Variants in ASIC2 observed in about 807,000 individuals in gnomAD.
The protein encoded by ASIC2 is acid sensing ion channel subunit 2.
A neutral mutation model predicts 57.3 loss-of-function variants in ASIC2; 25 were observed. The ratio of observed to expected loss-of-function variants is 0.44; its 90% confidence interval spans 0.32 to 0.61. ASIC2 has a LOEUF of 0.61. Ranked by LOEUF, ASIC2 falls within the 20% of genes least tolerant of loss-of-function variation. The pLI is 0.06. For missense variants in ASIC2, 641 were observed against 738.1 expected, an observed-to-expected ratio of 0.87 and a Z score of 1.52; for synonymous variants, 319 against 307.5, an observed-to-expected ratio of 1.04 and a Z score of -0.39.
Position 33,231,491 on chromosome 17 carries a change from C to T in ASIC2, c.708+59917G>A, listed in dbSNP as rs191475781. On this transcript the variant is annotated intron_variant, in intron 1 of 9. Coordinates refer to ENST00000225823, the MANE Select transcript of ASIC2 (RefSeq NM_183377.2). ...TCTGGGTCCTAGGGTGTCTGGTTGC[C>T]CCTAGCTTGTGACGGCTTTCTCTCC... Among the ~76,000 whole-genome samples, 4 of 152,212 alleles carry T rather than the reference C, an allele frequency of 2.6e-5. No individual in the cohort carries two copies. The East Asian group carries it at 7.7e-4, about 29-fold the overall frequency.
chr17:33,521,501 G>A (rs913868313), intron 1 of ASIC2, among the ~76,000 whole-genome samples: 4 of 152,164 alleles, frequency 2.6e-5, no homozygotes, highest in Admixed American at 2.6e-4. Flanking sequence ...GACAGAAGTA[G>A]CCACATGACC....
intron 3 of ASIC2, among the ~76,000 whole-genome samples, chr17:33,028,955 T>C (rs953576199): frequency 6.6e-6 from 1 of 152,200 alleles, no homozygotes; most frequent in Non-Finnish European, 1.5e-5. Context: ...AGTCATGCTG[T>C]AGATGGCACC....
intron 1 of ASIC2, among the ~76,000 whole-genome samples, chr17:34,032,053 A>G (rs1907638012): frequency 6.6e-6 from 1 of 152,246 alleles, no homozygotes; most frequent in Non-Finnish European, 1.5e-5. Context: ...TCCAAGACAC[A>G]TAATTGTCAG....
intron 1 of ASIC2, among the ~76,000 whole-genome samples, chr17:33,436,850 CTTCTTTTTTTTTT>C (rs1365237933): frequency 1.3e-5 from 1 of 76,038 alleles, no homozygotes; most frequent in African/African-American, 4.4e-5. Context: ...CACATTCCAA[CTTCTTTTTTTTTT>C]TTTTTTTTTT....
intron 1 of ASIC2, among the ~76,000 whole-genome samples, chr17:33,246,896 A>T (rs1908710718): frequency 6.6e-6 from 1 of 152,188 alleles, no homozygotes; most frequent in Non-Finnish European, 1.5e-5. Flanking sequence ...CAGCACAGCC[A>T]GTTTGTCCAT....
chr17:34,115,163 T>C (rs888543978), intron 1 of ASIC2, among the ~76,000 whole-genome samples: 4 of 152,160 alleles, frequency 2.6e-5, no homozygotes, highest in African/African-American at 7.2e-5. Context: ...AGTCACCCCA[T>C]TGCACACCGA....
At chr17:34,073,910 G>T (rs1567809812) in intron 1 of ASIC2, among the ~76,000 whole-genome samples, 1 of 152,150 alleles carries the variant, frequency 6.6e-6, no homozygotes, top group Non-Finnish European at 1.5e-5. Context: ...CAGCTCCCTG[G>T]GCTGAAGAAC....
At chr17:33,611,851 A>T (rs1205194247) in intron 1 of ASIC2, among the ~76,000 whole-genome samples, 4 of 152,216 alleles carry the variant, frequency 2.6e-5, no homozygotes, top group Non-Finnish European at 5.9e-5. Context: ...AAGTAGCAAA[A>T]GGTGTATTAG....
chr17:33,843,075 C>T (rs1251686269), intron 1 of ASIC2, among the ~76,000 whole-genome samples: 3 of 152,220 alleles, frequency 2.0e-5, no homozygotes, highest in Non-Finnish European at 2.9e-5. Flanking sequence ...CGTGCACATA[C>T]GAATGTGATT....
At chr17:33,837,653 T>A (rs1402126638) in intron 1 of ASIC2, among the ~76,000 whole-genome samples, 1 of 152,222 alleles carries the variant, frequency 6.6e-6, no homozygotes, top group East Asian at 1.9e-4. Flanking sequence ...AGTAGTCTAT[T>A]GTCTGCCTCC....
rs564094125 is a variant in ASIC2, at chr17:33,147,519, TTCTC to T, written c.709-35456_709-35453del. ...AGTGTTTGGGCCAGAGGAAGTGTTGTTCTCTCTAACAAGTTTCAATTCAGTATCT... is the reference window on the plus strand; with the variant it reads ...AGTGTTTGGGCCAGAGGAAGTGTTGTTCTAACAAGTTTCAATTCAGTATCT... On this transcript the variant is annotated intron_variant, in intron 1 of 9. Transcript: ENST00000225823. 2.2e-3 allele frequency among the ~76,000 whole-genome samples: 340 copies of T among 152,350 alleles called. 1 individual carries two copies. Among genetic ancestry groups the T allele is most frequent in the Non-Finnish European group, 4.1e-3 (277 of 68,022 alleles).
intron 1 of ASIC2, among the ~76,000 whole-genome samples, chr17:33,363,125 T>C (rs1205366667): frequency 1.3e-5 from 2 of 152,042 alleles, no homozygotes; most frequent in Non-Finnish European, 2.9e-5. Flanking sequence ...AACTCTTAAG[T>C]GTACCAATAA....
At chr17:33,444,474 G>T (rs187807348) in intron 1 of ASIC2, among the ~76,000 whole-genome samples, 77 of 152,278 alleles carry the variant, frequency 5.1e-4, no homozygotes, top group Non-Finnish European at 8.1e-4. Flanking sequence ...TGAAATGCAT[G>T]GTCTACTAGA....
intron 3 of ASIC2, chr17:33,052,494 T>C (rs2091980860): frequency 6.6e-6 from 1 of 152,180 alleles, no homozygotes; most frequent in South Asian, 2.1e-4. Context: ...AAGAGCCATC[T>C]ATTAGGAGGA....
chr17:33,840,754 T>C (rs1226053728), intron 1 of ASIC2, among the ~76,000 whole-genome samples: 1 of 150,996 alleles, frequency 6.6e-6, no homozygotes, highest in Non-Finnish European at 1.5e-5. Flanking sequence ...ACATGGAATA[T>C]TAATTCAAAT....
intron 1 of ASIC2, among the ~76,000 whole-genome samples, chr17:33,207,301 T>C (rs1218890561): frequency 1.3e-5 from 2 of 152,238 alleles, no homozygotes; most frequent in Non-Finnish European, 2.9e-5. Context: ...GAACAAATAT[T>C]CTTATTCTCA....
At chr17:33,113,201 T>C (rs1044211932) in intron 1 of ASIC2, among the ~76,000 whole-genome samples, 2 of 152,174 alleles carry the variant, frequency 1.3e-5, no homozygotes, top group Non-Finnish European at 2.9e-5. Context: ...TTCTTAGTAG[T>C]GTGACTTTAA....
At chr17:33,133,862 G>C (rs968708932) in intron 1 of ASIC2, among the ~76,000 whole-genome samples, 3 of 152,232 alleles carry the variant, frequency 2.0e-5, no homozygotes, top group African/African-American at 7.2e-5. Context: ...ATCAATGCAA[G>C]GACTTTGTGA....
intron 1 of ASIC2, chr17:34,038,294 C>A: frequency 6.2e-7 from 1 of 1,610,180 alleles, no homozygotes; most frequent in Non-Finnish European, 8.5e-7. Context: ...CAGATCATTT[C>A]CCTCACAGTA....
Sources: allele counts gnomAD v4.1 joint callset (sites outside exome capture counted in the v4.1 genomes callset), GRCh38; gene constraint gnomAD v4.1.1; transcripts MANE v1.5; gene names NCBI Gene and HGNC (gene_info 2026-07-23, HGNC 2026-07-21).